BRINP3: variants seen among roughly 807,000 people sequenced by gnomAD.
BRINP3 encodes the protein BMP/retinoic acid-inducible neural-specific protein 3.
In BRINP3, 19 loss-of-function variants were observed where a neutral mutation model predicts 71.0. The observed-to-expected ratio is 0.27, with a 90% CI of 0.19 to 0.39. BRINP3 has a LOEUF of 0.39. Among genes scored for constraint, BRINP3 ranks in the 10% least tolerant of loss-of-function variants. The probability of loss-of-function intolerance (pLI) is 1.00; values close to 1 mark genes in which losing one functional copy is unlikely to be tolerated. For synonymous variants in BRINP3, 380 were observed against 337.7 expected (o/e 1.13, Z -1.37); for missense variants, 959 against 940.8 (o/e 1.02, Z -0.25).
At chr1:190,200,690 C>T (rs572959971) in intron 6 of BRINP3, among the ~76,000 whole-genome samples, 16 of 152,042 alleles carry the variant, frequency 1.1e-4, no homozygotes, top group South Asian at 4.2e-4. Context: ...GGGAGGGGCC[C>T]GGTAGGAGAT....
intron 2 of BRINP3, among the ~76,000 whole-genome samples, chr1:190,396,747 A>G (rs1671603068): frequency 1.4e-5 from 1 of 73,432 alleles, no homozygotes; most frequent in African/African-American, 5.6e-5. Flanking sequence ...TATGTAACTA[A>G]CAGATTTCTA....
chr1:190,341,693 G>A (rs1189060254), intron 2 of BRINP3, among the ~76,000 whole-genome samples: 13 of 151,598 alleles, frequency 8.6e-5, no homozygotes, highest in Admixed American at 4.6e-4. Flanking sequence ...GGAAAAAGAG[G>A]CAGAAATATC....
intron 1 of BRINP3, among the ~76,000 whole-genome samples, chr1:190,469,859 A>G (rs533149405): frequency 6.6e-6 from 1 of 151,266 alleles, no homozygotes; most frequent in African/African-American, 2.4e-5. Flanking sequence ...TCATGCAGAT[A>G]TGTGCTTTTT....
At chr1:190,287,232 C>CA in intron 2 of BRINP3, among the ~76,000 whole-genome samples, 1 of 151,958 alleles carries the variant, frequency 6.6e-6, no homozygotes, top group Admixed American at 6.6e-5. Context: ...TCTCAAAAAA[C>CA]AAAAACAAAA....
intron 2 of BRINP3, among the ~76,000 whole-genome samples, chr1:190,301,178 T>TATATATGTATATATATACACATATAC (rs1553283671): frequency 4.8e-5 from 2 of 41,458 alleles, no homozygotes; most frequent in East Asian, 6.2e-4. Flanking sequence ...TATATATACA[T>TATATATGTATATATATACACATATAC]ATATATATGT....
intron 6 of BRINP3, among the ~76,000 whole-genome samples, chr1:190,171,826 G>T (rs1243717138): frequency 6.6e-6 from 1 of 152,074 alleles, no homozygotes; most frequent in Admixed American, 6.6e-5. Flanking sequence ...TTGTCTTCTT[G>T]CCACACACAG....
At chr1:190,412,294 A>T (rs953573611) in intron 2 of BRINP3, among the ~76,000 whole-genome samples, 5 of 151,352 alleles carry the variant, frequency 3.3e-5, no homozygotes, top group African/African-American at 1.2e-4. Context: ...AATATAGATT[A>T]TTATTTCTAC....
At chr1:190,154,055 T>TCA (rs1656654221) in intron 7 of BRINP3, 5 of 959,448 alleles carry the variant, frequency 5.2e-6, no homozygotes, top group Non-Finnish European at 5.0e-6. Flanking sequence ...CTACAGTTCT[T>TCA]CACAAGTTTT....
At chr1:190,163,451 T>C (rs1651197157) in intron 6 of BRINP3, among the ~76,000 whole-genome samples, 1 of 152,030 alleles carries the variant, frequency 6.6e-6, no homozygotes, top group East Asian at 1.9e-4. Flanking sequence ...GTTAAGTATG[T>C]ATCAAGTGAG....
chr1:190,396,477 CA>C (rs1048257071), intron 2 of BRINP3, among the ~76,000 whole-genome samples: 51 of 150,844 alleles, frequency 3.4e-4, no homozygotes, highest in African/African-American at 1.2e-3. Flanking sequence ...TGTAAGTCTT[CA>C]AAAACTAGGA....
chr1:190,463,319 A>T (rs1291602653), intron 1 of BRINP3, among the ~76,000 whole-genome samples: 2 of 151,674 alleles, frequency 1.3e-5, no homozygotes, highest in Non-Finnish European at 3.0e-5. Flanking sequence ...TTTAATTAAA[A>T]TCTGTTTTTT....
chr1:190,140,892 G>A (rs1393738769), intron 7 of BRINP3, among the ~76,000 whole-genome samples: 1 of 152,128 alleles, frequency 6.6e-6, no homozygotes, highest in East Asian at 1.9e-4. Flanking sequence ...ATGATAGTCT[G>A]CCACTCCTCC....
intron 7 of BRINP3, among the ~76,000 whole-genome samples, chr1:190,118,320 T>G (rs1023745762): frequency 6.6e-6 from 1 of 152,168 alleles, no homozygotes; most frequent in African/African-American, 2.4e-5. Context: ...ATGTTCCCTT[T>G]AATTTTTACT....
chr1:190,402,376 A>AT (rs1671989868), intron 2 of BRINP3, among the ~76,000 whole-genome samples: 1 of 152,156 alleles, frequency 6.6e-6, no homozygotes, highest in African/African-American at 2.4e-5. Context: ...ATGGTGTGTA[A>AT]TAACTCCTTA....
At chr1:190,104,248 T>C (rs573634332) in intron 7 of BRINP3, among the ~76,000 whole-genome samples, 2 of 152,080 alleles carry the variant, frequency 1.3e-5, no homozygotes, top group East Asian at 3.9e-4. Flanking sequence ...CAATACACTA[T>C]ATTAGCTTGA....
intron 2 of BRINP3, among the ~76,000 whole-genome samples, chr1:190,296,689 A>G (rs1206724248): frequency 6.6e-6 from 1 of 152,130 alleles, no homozygotes; most frequent in Admixed American, 6.5e-5. Context: ...CTAAACCAAA[A>G]AATAAAGTCA....
Position 190,228,035 on chromosome 1 carries a change from G to C in BRINP3, c.725-1717C>G, listed in dbSNP as rs140399142. 5.5e-3 allele frequency among the ~76,000 whole-genome samples: 831 copies of C among 151,984 alleles called. 7 individuals are homozygous for C. Among genetic ancestry groups the C allele is most frequent in the African/African-American group, 0.018 (758 of 41,492 alleles). On this transcript the variant is annotated intron_variant, in intron 5 of 7. Transcript: ENST00000367462. Reference sequence around the variant, plus strand: ...GAAGACTGAAAAAATCCACACTAGGGAAAGAAATTAAGGTAATAGAGGAAT... The same window carrying C: ...GAAGACTGAAAAAATCCACACTAGGCAAAGAAATTAAGGTAATAGAGGAAT...
At chr1:190,417,126 C>A (rs1673058720) in intron 2 of BRINP3, among the ~76,000 whole-genome samples, 1 of 151,826 alleles carries the variant, frequency 6.6e-6, no homozygotes, top group Non-Finnish European at 1.5e-5. Context: ...AGAACAAAAA[C>A]AATTTTCTGA....
At chr1:190,314,201 A>T (rs754770080) in intron 2 of BRINP3, among the ~76,000 whole-genome samples, 1 of 152,132 alleles carries the variant, frequency 6.6e-6, no homozygotes, top group African/African-American at 2.4e-5. Context: ...TTAATGGAGA[A>T]TAATAGAAAA....
Sources: gnomAD v4.1 joint callset for allele counts (sites outside exome capture counted in the v4.1 genomes callset) on GRCh38, gnomAD v4.1.1 for gene constraint, MANE v1.5 for transcripts, NCBI Gene and HGNC (gene_info 2026-07-23, HGNC 2026-07-21) for gene names.